FRRS1: variants seen among roughly 807,000 people sequenced by gnomAD.
FRRS1 encodes ferric reductase 1.
A neutral mutation model predicts 70.7 loss-of-function variants in FRRS1; 51 were observed. The ratio of observed to expected loss-of-function variants is 0.72; its 90% CI spans 0.58 to 0.91. The LOEUF is 0.91. FRRS1 is among the 40% of genes least tolerant of loss of function. The probability of loss-of-function intolerance (pLI) is 0.00; values close to 1 mark genes in which losing one functional copy is unlikely to be tolerated. For synonymous variants in FRRS1, 225 were observed against 238.7 expected (o/e 0.94, Z 0.53); for missense variants, 672 against 726.0 (o/e 0.93, Z 0.86).
At chr1:99,731,616 G>C (rs986040946) in intron 7 of FRRS1, among the ~76,000 whole-genome samples, 11 of 152,130 alleles carry the variant, frequency 7.2e-5, no homozygotes, top group Admixed American at 1.3e-4. Context: ...GTGGTGAAAA[G>C]AATGTTTCAT....
intron 7 of FRRS1, among the ~76,000 whole-genome samples, chr1:99,735,992 G>A (rs912855001): frequency 1.3e-5 from 2 of 152,164 alleles, no homozygotes; most frequent in African/African-American, 2.4e-5. Flanking sequence ...CTGTAACTCA[G>A]AGATGAACCT....
At chr1:99,755,643 A>G (rs1344287131) in intron 1 of FRRS1, among the ~76,000 whole-genome samples, 1 of 152,250 alleles carries the variant, frequency 6.6e-6, no homozygotes, top group Non-Finnish European at 1.5e-5. Context: ...TCTGCTGTGC[A>G]CTAAACAGCT....
chr1:99,734,286 T>G (rs749622928), intron 7 of FRRS1, among the ~76,000 whole-genome samples: 1 of 152,154 alleles, frequency 6.6e-6, no homozygotes, highest in Non-Finnish European at 1.5e-5. Flanking sequence ...AACGTTAAAT[T>G]TTCTTAATGT....
At chr1:99,755,826 G>T (rs770854484) in intron 1 of FRRS1, among the ~76,000 whole-genome samples, 2 of 152,182 alleles carry the variant, frequency 1.3e-5, no homozygotes, top group African/African-American at 4.8e-5. Context: ...AGAAAGGGAA[G>T]TGACTAAGAC....
chr1:99,734,718 C>T (rs1016987122), intron 7 of FRRS1, among the ~76,000 whole-genome samples: 1 of 152,188 alleles, frequency 6.6e-6, no homozygotes, highest in African/African-American at 2.4e-5. Flanking sequence ...AACAAGCCAT[C>T]AACAATGGTA....
At chr1:99,734,258 C>T (rs1337310636) in intron 7 of FRRS1, among the ~76,000 whole-genome samples, 3 of 151,948 alleles carry the variant, frequency 2.0e-5, no homozygotes, top group Non-Finnish European at 2.9e-5. Flanking sequence ...GAATACAGAT[C>T]GTCTGTTACA....
chr1:99,751,453 A>C (rs1195162788), intron 1 of FRRS1, among the ~76,000 whole-genome samples: 2 of 152,128 alleles, frequency 1.3e-5, no homozygotes, highest in African/African-American at 4.8e-5. Flanking sequence ...ACCCTGATTA[A>C]TATGGCATAT....
intron 1 of FRRS1, among the ~76,000 whole-genome samples, chr1:99,756,093 G>C (rs1049636229): frequency 5.9e-5 from 9 of 152,080 alleles, no homozygotes; most frequent in African/African-American, 2.2e-4. Flanking sequence ...AAACATTTAA[G>C]TTAAAATTAT....
chr1:99,714,334 C>A (rs1654415406), intron 12 of FRRS1, among the ~76,000 whole-genome samples: 1 of 152,028 alleles, frequency 6.6e-6, no homozygotes, highest in South Asian at 2.1e-4. Flanking sequence ...CAGGCGTGCG[C>A]CACCACGCCT....
chr1:99,754,912 A>G (rs968716995), intron 1 of FRRS1, among the ~76,000 whole-genome samples: 1 of 152,190 alleles, frequency 6.6e-6, no homozygotes, highest in Admixed American at 6.5e-5. Flanking sequence ...CTGAGTAAAC[A>G]GCATAGGGTC....
chr1:99,763,508 A>T (rs888724073), intron 1 of FRRS1, among the ~76,000 whole-genome samples: 2 of 152,226 alleles, frequency 1.3e-5, no homozygotes, highest in African/African-American at 4.8e-5. Context: ...TCACATTTTT[A>T]GATGTTAACA....
At chr1:99,741,641 C>T (rs117660984) in intron 5 of FRRS1, among the ~76,000 whole-genome samples, 1 of 152,276 alleles carries the variant, frequency 6.6e-6, no homozygotes, top group East Asian at 1.9e-4. Flanking sequence ...GTCTAATCTG[C>T]AAGTTGTAAT....
At chr1:99,760,191 C>T (rs1215826863) in intron 1 of FRRS1, among the ~76,000 whole-genome samples, 2 of 152,150 alleles carry the variant, frequency 1.3e-5, no homozygotes, top group Non-Finnish European at 2.9e-5. Context: ...TGGTAATTGC[C>T]ACTATTTATA....
chr1:99,760,961 CT>C (rs1657088341), intron 1 of FRRS1, among the ~76,000 whole-genome samples: 1 of 151,890 alleles, frequency 6.6e-6, no homozygotes, highest in Non-Finnish European at 1.5e-5. Flanking sequence ...GTAGGAAAGA[CT>C]TCTGAAAAAG....
chr1:99,742,822 C>T (rs961517296), intron 4 of FRRS1, among the ~76,000 whole-genome samples: 6 of 152,178 alleles, frequency 3.9e-5, no homozygotes, highest in African/African-American at 1.4e-4. Context: ...TGCTATGCTT[C>T]CCACTCACTG....
At position 99,738,098 on chromosome 1, in the gene FRRS1, A is replaced by G. The variant is rs1173133682; in HGVS notation, c.747T>C (p.His249=). The change falls in exon 7 of 17, where the codon CAT becomes CAC. Residue 249 remains histidine (H), a synonymous_variant. Transcript: ENST00000646001. ...SKGYLSFALS[H]DQWMGDDDAY... ...GAGAGGTACCAACCATCCACTGATCATGAGACAATGCAAAGGATAAATAGC... is the reference window on the plus strand; with the variant it reads ...GAGAGGTACCAACCATCCACTGATCGTGAGACAATGCAAAGGATAAATAGC... The G allele has an allele frequency of 2.4e-5, 38 of 1,611,890 alleles. No individual in the cohort carries two copies. The highest frequency in any genetic ancestry group is 3.2e-5 in the Non-Finnish European group (38 of 1,178,620).
At chr1:99,753,816 G>A (rs4268369) in intron 1 of FRRS1, among the ~76,000 whole-genome samples, 75,182 of 151,804 alleles carry the variant, frequency 0.5, 22,607 homozygotes, top group African/African-American at 0.85. Flanking sequence ...TTAAATGTCA[G>A]TTGTCTAAAT....
At chr1:99,719,468 C>A in intron 10 of FRRS1, 66 bp downstream of exon 10, 1 of 828,660 alleles carries the variant, frequency 1.2e-6, no homozygotes, top group East Asian at 2.5e-5. Context: ...ACAGCCATTC[C>A]TAATCCAGCC....
intron 11 of FRRS1, among the ~76,000 whole-genome samples, chr1:99,717,175 T>G (rs1654570463): frequency 6.6e-6 from 1 of 152,162 alleles, no homozygotes; most frequent in Non-Finnish European, 1.5e-5. Flanking sequence ...ACTCACATGG[T>G]CCTGACACAT....
Sources: allele counts gnomAD v4.1 joint callset (sites outside exome capture counted in the v4.1 genomes callset), GRCh38; gene constraint gnomAD v4.1.1; transcripts MANE v1.5; gene names NCBI Gene and HGNC (gene_info 2026-07-23, HGNC 2026-07-21).